The following HORMAD2 variants were observed in gnomAD, a reference collection of about 807,000 sequenced individuals.
The protein encoded by HORMAD2 is HORMA domain containing 2, also known as HORMA domain-containing protein 2.
HORMAD2 carries 45 observed loss-of-function variants against 38.8 expected under a neutral mutation model. That is an observed-to-expected ratio of 1.16 (90% CI 0.91 to 1.49). HORMAD2 has a LOEUF of 1.49. HORMAD2 is among the 40% of genes most tolerant of loss of function. The pLI is 0.00. For synonymous variants in HORMAD2, 126 were observed against 122.8 expected, an observed-to-expected ratio of 1.03 and a Z score of -0.17; for missense variants, 338 against 367.0, an observed-to-expected ratio of 0.92 and a Z score of 0.65.
chr22:30,088,106 CGT>C (rs1281298758), intron 1 of HORMAD2, among the ~76,000 whole-genome samples: 1 of 128,796 alleles, frequency 7.8e-6, no homozygotes, highest in Admixed American at 7.3e-5. Flanking sequence ...CACGTACACA[CGT>C]GTACATATAC....
intron 10 of HORMAD2, among the ~76,000 whole-genome samples, chr22:30,154,924 G>T (rs1213083679): frequency 2.0e-5 from 3 of 152,206 alleles, no homozygotes; most frequent in South Asian, 4.2e-4. Context: ...TAAAAAGTTA[G>T]CTGGGTGTGG....
At position 30,103,649 on chromosome 22, in the gene HORMAD2, ATTTTTTTTTTTTTTTTTT is replaced by A. The variant is rs71198524; in HGVS notation, c.257+163_257+180del. On this transcript the variant is annotated intron_variant, in intron 4 of 10. Transcript: ENST00000336726. ...CTTTCTTTTTCTTTTTCTGTTTTTGATTTTTTTTTTTTTTTTTTTTTTTTTTTTTTTGAGATGGAGTCT... is the reference window on the plus strand; with the variant it reads ...CTTTCTTTTTCTTTTTCTGTTTTTGATTTTTTTTTTTTTGAGATGGAGTCT... The A allele has an allele frequency of 1.3e-4, 10 of 75,316 alleles. 1 individual carries two copies. Among genetic ancestry groups the A allele is most frequent in the Admixed American group, 1.1e-3 (4 of 3,580 alleles). 4.7% of individuals were successfully genotyped at this position (75,316 alleles called of 1,614,324 possible).
At chr22:30,188,647 C>G in the HORMAD2 span, among the ~76,000 whole-genome samples, 1 of 152,186 alleles carries the variant, frequency 6.6e-6, no homozygotes, top group African/African-American at 2.4e-5. Context: ...AATTGTGCTA[C>G]CAGAAAATCA....
intron 10 of HORMAD2, among the ~76,000 whole-genome samples, chr22:30,129,628 G>GA (rs1288290127): frequency 1.3e-4 from 19 of 151,410 alleles, no homozygotes; most frequent in Non-Finnish European, 2.5e-4. Flanking sequence ...TAGGATTACA[G>GA]AAAAAAGGAT....
At chr22:30,127,709 A>G (rs1441474907) in intron 10 of HORMAD2, among the ~76,000 whole-genome samples, 1 of 152,142 alleles carries the variant, frequency 6.6e-6, no homozygotes, top group African/African-American at 2.4e-5. Context: ...ACTTCCATAA[A>G]TGTATAGACA....
the HORMAD2 span, among the ~76,000 whole-genome samples, chr22:30,204,518 C>G: frequency 3.7e-4 from 56 of 152,326 alleles, no homozygotes; most frequent in African/African-American, 1.2e-3. Context: ...TCCAGGGCCC[C>G]AGGCACACTG....
upstream of HORMAD2, among the ~76,000 whole-genome samples, chr22:30,079,916 G>A (rs1203995416): frequency 2.6e-5 from 4 of 152,190 alleles, no homozygotes; most frequent in Non-Finnish European, 5.9e-5. Context: ...CTGACCTCAA[G>A]TGACGCGCCC....
intron 10 of HORMAD2, among the ~76,000 whole-genome samples, chr22:30,168,911 A>T (rs1215602726): frequency 6.6e-6 from 1 of 152,116 alleles, no homozygotes; most frequent in Non-Finnish European, 1.5e-5. Context: ...TCTCCATTAC[A>T]GACTCTCATT....
At chr22:30,082,147 G>A (rs148112683) in intron 1 of HORMAD2, among the ~76,000 whole-genome samples, 3 of 152,212 alleles carry the variant, frequency 2.0e-5, no homozygotes, top group African/African-American at 7.2e-5. Context: ...TTATGTTAAC[G>A]TACACTTCTT....
Sources: gnomAD v4.1 joint callset for allele counts (sites outside exome capture counted in the v4.1 genomes callset) on GRCh38, gnomAD v4.1.1 for gene constraint, MANE v1.5 for transcripts, NCBI Gene and HGNC (gene_info 2026-07-23, HGNC 2026-07-21) for gene names.